NBEAL1: variants seen among roughly 807,000 people sequenced by gnomAD.
The protein encoded by NBEAL1 is neurobeachin-like protein 1.
A neutral mutation model predicts 351.3 loss-of-function variants in NBEAL1; 273 were observed. The observed-to-expected ratio is 0.78, with a 90% CI of 0.70 to 0.86. The LOEUF is 0.86. Among genes scored for constraint, NBEAL1 ranks in the 40% least tolerant of loss-of-function variants. The probability of loss-of-function intolerance (pLI) is 0.00; values close to 1 mark genes in which losing one functional copy is unlikely to be tolerated. For missense variants in NBEAL1, 2,961 were observed against 3,201.3 expected, an observed-to-expected ratio of 0.92 and a Z score of 1.81; for synonymous variants, 1,050 against 1,086.4, an observed-to-expected ratio of 0.97 and a Z score of 0.66.
intron 2 of NBEAL1, 92 bp downstream of exon 2, chr2:203,016,527 G>C: frequency 2.7e-6 from 2 of 748,328 alleles, no homozygotes; most frequent in Non-Finnish European, 2.0e-6. Context: ...ATAGATAATA[G>C]TGTATTTAGT....
At chr2:203,063,598 A>C (rs1254960545) in intron 6 of NBEAL1, among the ~76,000 whole-genome samples, 1 of 152,074 alleles carries the variant, frequency 6.6e-6, no homozygotes, top group Non-Finnish European at 1.5e-5. Flanking sequence ...GAAAAAAAGA[A>C]ATCTTCCTTC....
intron 7 of NBEAL1, among the ~76,000 whole-genome samples, chr2:203,068,951 A>T (rs192352727): frequency 4.6e-4 from 70 of 152,176 alleles, no homozygotes; most frequent in African/African-American, 1.7e-3. Flanking sequence ...GCTGGTCTTG[A>T]ACTCCTGACC....
intron 31 of NBEAL1, among the ~76,000 whole-genome samples, chr2:203,141,755 A>G (rs2063388404): frequency 6.6e-6 from 1 of 151,946 alleles, no homozygotes; most frequent in Non-Finnish European, 1.5e-5. Context: ...GTGTAATTTT[A>G]TTCTCTCAGA....
intron 18 of NBEAL1, among the ~76,000 whole-genome samples, chr2:203,121,670 C>A (rs1033097465): frequency 5.4e-5 from 8 of 148,158 alleles, no homozygotes; most frequent in South Asian, 2.2e-4. Flanking sequence ...AAAAAAAAAA[C>A]ATCACTGTGG....
chr2:203,193,674 T>C (rs571004483), intron 46 of NBEAL1, 121 bp from the exon 47 acceptor site: 66 of 595,886 alleles, frequency 1.1e-4, no homozygotes, highest in Non-Finnish European at 1.8e-4. Flanking sequence ...CCAACACCTA[T>C]AATTGTCAAC....
chr2:203,167,186 T>C (rs771099163), intron 37 of NBEAL1, 41 bp from the exon 38 acceptor site: 19 of 1,574,506 alleles, frequency 1.2e-5, no homozygotes, highest in Non-Finnish European at 1.6e-5. Flanking sequence ...CATGAGTAAC[T>C]TTATATGGTA....
At chr2:203,028,715 A>T (rs1236389866) in intron 2 of NBEAL1, among the ~76,000 whole-genome samples, 1 of 151,876 alleles carries the variant, frequency 6.6e-6, no homozygotes, top group Non-Finnish European at 1.5e-5. Flanking sequence ...TAAAGAATTA[A>T]CTTTAGTCCC....
chr2:203,223,476 ATTAAT>A lies in NBEAL1; in HGVS notation c.*6126_*6130del, dbSNP rs1158981524. On this transcript the variant is annotated 3_prime_UTR_variant, in exon 56 of 56. Coordinates refer to ENST00000683969, the MANE Select transcript of NBEAL1 (RefSeq NM_001378026.1). ...ATGTAATGGCTGTCTCATTATTTAA[ATTAAT>A]TTATAATTATTTTTCAGTGTACAGA... Among the ~76,000 whole-genome samples, 2 of 152,010 alleles carry A rather than the reference ATTAAT, an allele frequency of 1.3e-5. No homozygotes were observed. The highest frequency in any genetic ancestry group is 2.4e-5 in the African/African-American group (1 of 41,422).
At chr2:203,103,580 G>T (rs926546238) in intron 12 of NBEAL1, among the ~76,000 whole-genome samples, 1 of 151,988 alleles carries the variant, frequency 6.6e-6, no homozygotes, top group Non-Finnish European at 1.5e-5. Flanking sequence ...CCTATCTTTC[G>T]TATGGTTTTT....
Position 203,217,954 on chromosome 2 carries a change from A to C in NBEAL1, c.*600A>C. 1 of 935,198 alleles carries C rather than the reference A, an allele frequency of 1.1e-6. No homozygotes were observed. Among genetic ancestry groups the C allele is most frequent in the African/African-American group, 1.8e-5 (1 of 56,330 alleles). 57.9% of individuals were successfully genotyped at this position (935,198 alleles called of 1,614,324 possible). A position where few individuals can be genotyped will look rare whatever the true frequency, so the allele number is the denominator to read the frequency against. The stretch of plus-strand genomic sequence containing the variant: ...TAATGAGAAGTTACTGAAATCTATT[A>C]CTGTCCTTAATAAAAATTGAGTAGA... On this transcript the variant is annotated 3_prime_UTR_variant, in exon 56 of 56. Transcript: ENST00000683969.
chr2:203,162,556 A>G (rs1349092710), intron 36 of NBEAL1, among the ~76,000 whole-genome samples: 1 of 151,224 alleles, frequency 6.6e-6, no homozygotes, highest in Non-Finnish European at 1.5e-5. Context: ...CAGCCTGGAC[A>G]ACATGGCAAA....
intron 2 of NBEAL1, among the ~76,000 whole-genome samples, chr2:203,024,565 G>GA (rs554235093): frequency 8.6e-5 from 12 of 139,030 alleles, no homozygotes; most frequent in Admixed American, 2.9e-4. Context: ...AAAAAAAAAA[G>GA]AAAAAAAGAA....
In NBEAL1 at chr2:203,220,026, A is replaced by G. The variant is rs2065938196; in HGVS notation, c.*2672A>G. 6.6e-6 allele frequency among the ~76,000 whole-genome samples: 1 copy of G among 152,202 alleles called. No homozygotes were observed. Among genetic ancestry groups the G allele is most frequent in the African/African-American group, 2.4e-5 (1 of 41,454 alleles). ...CCTACTGAATTAAAAATCACTAGAT[A>G]AAATAATTGGAAAGAAGTACTTTTG... On this transcript the variant is annotated 3_prime_UTR_variant, in exon 56 of 56. Coordinates refer to ENST00000683969, the MANE Select transcript of NBEAL1 (RefSeq NM_001378026.1).
Position 203,220,912 on chromosome 2 carries a change from C to G in NBEAL1, c.*3558C>G, listed in dbSNP as rs12693982. Among the ~76,000 whole-genome samples the G allele has an allele frequency of 1.3e-5, 2 of 151,890 alleles. No homozygotes were observed. The highest frequency in any genetic ancestry group is 1.3e-4 in the Admixed American group (2 of 15,246). Reference sequence around the variant, plus strand: ...TTGTTTAGGTCACAGTGCAGTGCATCCTTTTGTAGAAGAAAAAATACCAAG... The same window carrying G: ...TTGTTTAGGTCACAGTGCAGTGCATGCTTTTGTAGAAGAAAAAATACCAAG... On this transcript the variant is annotated 3_prime_UTR_variant, in exon 56 of 56. Coordinates refer to ENST00000683969, the MANE Select transcript of NBEAL1 (RefSeq NM_001378026.1).
At chr2:203,152,539 G>A in intron 35 of NBEAL1, among the ~76,000 whole-genome samples, 1 of 151,464 alleles carries the variant, frequency 6.6e-6, no homozygotes, top group Non-Finnish European at 1.5e-5. Context: ...GCAGTGACCT[G>A]AGATCAGGCC....
At chr2:203,041,711 A>ATT (rs35056108) in intron 2 of NBEAL1, 54 bp from the exon 3 acceptor site, 41 of 1,090,730 alleles carry the variant, frequency 3.8e-5, no homozygotes, top group Non-Finnish European at 4.8e-5. Flanking sequence ...GTGTAGAAGC[A>ATT]TTTTTTTTTT....
chr2:203,192,485 A>G (rs2065119544), intron 46 of NBEAL1, among the ~76,000 whole-genome samples: 1 of 151,886 alleles, frequency 6.6e-6, no homozygotes, highest in African/African-American at 2.4e-5. Flanking sequence ...CCTGGGTTCA[A>G]GCGATTCTCC....
rs1456416865 is a variant in NBEAL1, at chr2:203,220,656, G to A, written c.*3302G>A. On this transcript the variant is annotated 3_prime_UTR_variant, in exon 56 of 56. Coordinates refer to ENST00000683969, the MANE Select transcript of NBEAL1 (RefSeq NM_001378026.1). The stretch of plus-strand genomic sequence containing the variant: ...TCAAGTATTAAAACATGTAATAGCT[G>A]TGCACGCTTAGAGAATAAAGAACCT... 2.6e-5 allele frequency among the ~76,000 whole-genome samples: 4 copies of A among 152,120 alleles called. No homozygotes were observed. The highest frequency in any genetic ancestry group is 4.8e-5 in the African/African-American group (2 of 41,420).
rs2105853578 is a variant in NBEAL1 at position 203,212,214 on chromosome 2, A to G, written c.7934+1108A>G. On this transcript the variant is annotated intron_variant, in intron 54 of 55. Coordinates refer to ENST00000683969, the MANE Select transcript of NBEAL1 (RefSeq NM_001378026.1). The stretch of plus-strand genomic sequence containing the variant: ...GAGATTTCTGGGCTTCTTACCCACC[A>G]CTCACTTATGAATCAACAAGGCAAA... Among the ~76,000 whole-genome samples, 3 of 151,808 alleles carry G rather than the reference A, an allele frequency of 2.0e-5. 1 individual carries two copies. The South Asian group carries it at 6.2e-4, about 32-fold the overall frequency.
Sources: gnomAD v4.1 joint callset for allele counts (sites outside exome capture counted in the v4.1 genomes callset) on GRCh38, gnomAD v4.1.1 for gene constraint, MANE v1.5 for transcripts, NCBI Gene and HGNC (gene_info 2026-07-23, HGNC 2026-07-21) for gene names.